Variants in HIGD1C observed in about 807,000 individuals in gnomAD.
HIGD1C encodes HIG1 domain family member 1C.
Under a neutral mutation model 13.1 loss-of-function variants are expected in HIGD1C, and 11 were observed. The ratio of observed to expected loss-of-function variants is 0.84; its 90% CI spans 0.53 to 1.39. The LOEUF (loss-of-function observed/expected upper bound fraction) is 1.39, where lower values mean the gene tolerates loss of function less well. Ranked by LOEUF, HIGD1C falls within the 40% of genes most tolerant of loss-of-function variation. The probability of loss-of-function intolerance (pLI) is 0.00; values close to 1 mark genes in which losing one functional copy is unlikely to be tolerated. For missense variants in HIGD1C, 110 were observed against 112.0 expected (o/e 0.98, Z 0.08); for synonymous variants, 36 against 37.7 (o/e 0.95, Z 0.17).
chr12:50,940,204 G>A, the HIGD1C span, among the ~76,000 whole-genome samples: 5 of 152,278 alleles, frequency 3.3e-5, no homozygotes, highest in Non-Finnish European at 4.4e-5. Context: ...ACTGCTTGTG[G>A]ATATAAACAT....
intron 2 of HIGD1C, among the ~76,000 whole-genome samples, chr12:50,968,102 AAGG>A (rs35382142): frequency 0.16 from 23,391 of 147,244 alleles, 1,943 homozygotes; most frequent in South Asian, 0.26. Context: ...TAAGAAGAAG[AAGG>A]AGGAGGAGGA....
the HIGD1C span, chr12:50,931,278 T>A: frequency 6.6e-6 from 1 of 152,062 alleles, no homozygotes; most frequent in Admixed American, 6.6e-5. Flanking sequence ...CTTAAATCAC[T>A]CCAAAGAAGA....
intron 2 of HIGD1C, among the ~76,000 whole-genome samples, chr12:50,963,274 G>C (rs1039731786): frequency 6.8e-6 from 1 of 146,066 alleles, no homozygotes; most frequent in Non-Finnish European, 1.5e-5. Context: ...GGAGGCTGAA[G>C]TAGGAGAATT....
chr12:50,959,102 T>TA (rs1939224459), intron 1 of HIGD1C, among the ~76,000 whole-genome samples: 1 of 152,164 alleles, frequency 6.6e-6, no homozygotes, highest in African/African-American at 2.4e-5. Flanking sequence ...CATATTCTAT[T>TA]ACATCTACCA....
At chr12:50,947,306 A>G in the HIGD1C span, among the ~76,000 whole-genome samples, 1 of 152,224 alleles carries the variant, frequency 6.6e-6, no homozygotes, top group Non-Finnish European at 1.5e-5. Flanking sequence ...TGGAAGACAG[A>G]AGTCCAAAAC....
At chr12:50,938,707 C>T in the HIGD1C span, among the ~76,000 whole-genome samples, 1 of 152,240 alleles carries the variant, frequency 6.6e-6, no homozygotes, top group Non-Finnish European at 1.5e-5. Context: ...CCACAGCTAT[C>T]ACCATCACCT....
At chr12:50,953,721 A>C (rs1172265482), upstream of HIGD1C, among the ~76,000 whole-genome samples, 1 of 152,240 alleles carries the variant, frequency 6.6e-6, no homozygotes, top group East Asian at 1.9e-4. Context: ...AGGAGACTGA[A>C]TAACAGCATT....
the HIGD1C span, among the ~76,000 whole-genome samples, chr12:50,934,546 G>C: frequency 2.6e-5 from 4 of 152,198 alleles, no homozygotes; most frequent in Non-Finnish European, 4.4e-5. Context: ...CCCTGCCTGC[G>C]TGGAGCATAC....
At position 50,959,847 on chromosome 12, in the gene HIGD1C, A is replaced by G. The variant is rs187174341; in HGVS notation, c.95-1121A>G. Reference sequence around the variant, plus strand: ...GTATTTTTAGTGGAGATGGGATTTCACCGTGTTGGCCAGGCTGGTCTTGAA... The same window carrying G: ...GTATTTTTAGTGGAGATGGGATTTCGCCGTGTTGGCCAGGCTGGTCTTGAA... On this transcript the variant is annotated intron_variant, in intron 1 of 2. Coordinates refer to ENST00000398455, the Ensembl canonical transcript of HIGD1C. Among the ~76,000 whole-genome samples, 252 of 151,058 alleles carry G rather than the reference A, an allele frequency of 1.7e-3. 1 individual carries two copies. Among genetic ancestry groups the G allele is most frequent in the African/African-American group, 5.8e-3 (240 of 41,108 alleles).
chr12:50,951,922 CAAAAAAAAA>C (rs202149759), upstream of HIGD1C, among the ~76,000 whole-genome samples: 2 of 87,342 alleles, frequency 2.3e-5, no homozygotes, highest in African/African-American at 4.0e-5. Flanking sequence ...AACTCCATCT[CAAAAAAAAA>C]AAAAAAGAAA....
At chr12:50,966,729 A>T (rs1394787271) in intron 2 of HIGD1C, among the ~76,000 whole-genome samples, 3 of 152,192 alleles carry the variant, frequency 2.0e-5, no homozygotes, top group Admixed American at 2.0e-4. Context: ...ACTAAAATTT[A>T]AGTGTTCAAA....
At chr12:50,952,669 A>G (rs1938937780), upstream of HIGD1C, among the ~76,000 whole-genome samples, 1 of 152,052 alleles carries the variant, frequency 6.6e-6, no homozygotes, top group African/African-American at 2.4e-5. Flanking sequence ...GCGCGTGTGC[A>G]GCTCGAGGCT....
chr12:50,946,460 G>C, the HIGD1C span, among the ~76,000 whole-genome samples: 1 of 152,162 alleles, frequency 6.6e-6, no homozygotes, highest in African/African-American at 2.4e-5. Context: ...CATTTATGCA[G>C]CCAACAGACA....
At chr12:50,938,431 C>T in the HIGD1C span, among the ~76,000 whole-genome samples, 1 of 152,182 alleles carries the variant, frequency 6.6e-6, no homozygotes, top group Admixed American at 6.5e-5. Context: ...AAGGGGGTTT[C>T]CCAGACTTCC....
downstream of HIGD1C, among the ~76,000 whole-genome samples, chr12:50,970,954 C>A (rs372430960): frequency 5.5e-4 from 83 of 152,184 alleles, no homozygotes; most frequent in African/African-American, 1.9e-3. Context: ...TCTCCGCTCA[C>A]CGCAACCTCT....
intron 1 of HIGD1C, among the ~76,000 whole-genome samples, chr12:50,955,013 CG>C (rs1207271423): frequency 6.6e-6 from 1 of 152,016 alleles, no homozygotes; most frequent in African/African-American, 2.4e-5. Context: ...ATAATTAGGC[CG>C]GGCACAGTGG....
At chr12:50,936,647 C>T in the HIGD1C span, among the ~76,000 whole-genome samples, 3 of 152,170 alleles carry the variant, frequency 2.0e-5, no homozygotes, top group Non-Finnish European at 2.9e-5. Context: ...CCATATTTGT[C>T]TCTTCTCTCC....
At chr12:50,945,816 C>T in the HIGD1C span, among the ~76,000 whole-genome samples, 2 of 152,132 alleles carry the variant, frequency 1.3e-5, no homozygotes, top group African/African-American at 2.4e-5. Context: ...CATCACACTA[C>T]CTGACTTCAA....
At chr12:50,958,855 A>T (rs978474796) in intron 1 of HIGD1C, among the ~76,000 whole-genome samples, 21 of 151,432 alleles carry the variant, frequency 1.4e-4, no homozygotes, top group African/African-American at 5.1e-4. Context: ...CATCTCTACT[A>T]AAAATACAAA....
Sources: allele counts gnomAD v4.1 joint callset (sites outside exome capture counted in the v4.1 genomes callset), GRCh38; gene constraint gnomAD v4.1.1; transcripts MANE v1.5; gene names NCBI Gene and HGNC (gene_info 2026-07-23, HGNC 2026-07-21).